LIN52: variants seen among roughly 807,000 people sequenced by gnomAD.
LIN52 encodes the protein lin-52 DREAM MuvB core complex component.
Under a neutral mutation model 18.5 loss-of-function variants are expected in LIN52, and 4 were observed. That is an observed-to-expected ratio of 0.22 (90% CI 0.11 to 0.49). The LOEUF (loss-of-function observed/expected upper bound fraction) is 0.49. LIN52 is among the 20% of genes least tolerant of loss of function. The probability of loss-of-function intolerance (pLI) is 0.97; values close to 1 mark genes in which losing one functional copy is unlikely to be tolerated. For missense variants in LIN52, 102 were observed against 139.5 expected (o/e 0.73, Z 1.35); for synonymous variants, 34 against 45.5 (o/e 0.75, Z 1.02).
intron 5 of LIN52, among the ~76,000 whole-genome samples, chr14:74,180,063 T>C (rs1301814207): frequency 6.6e-6 from 1 of 152,154 alleles, no homozygotes; most frequent in Non-Finnish European, 1.5e-5. Context: ...CCACTAACAT[T>C]ATAAATTCTA....
intron 5 of LIN52, among the ~76,000 whole-genome samples, chr14:74,197,108 A>C (rs1249976269): frequency 6.6e-6 from 1 of 152,232 alleles, no homozygotes; most frequent in Non-Finnish European, 1.5e-5. Flanking sequence ...GCACATTTAA[A>C]AAGACTCCCA....
At chr14:74,104,691 G>A (rs1170228233) in intron 5 of LIN52, among the ~76,000 whole-genome samples, 4 of 150,120 alleles carry the variant, frequency 2.7e-5, no homozygotes, top group Non-Finnish European at 1.5e-5. Flanking sequence ...AATAGTTGAT[G>A]GATTCTAGAT....
intron 5 of LIN52, among the ~76,000 whole-genome samples, chr14:74,184,633 G>T (rs944200099): frequency 6.6e-6 from 1 of 152,164 alleles, no homozygotes; most frequent in East Asian, 1.9e-4. Context: ...TAACGGTAAT[G>T]ATAATAACAT....
intron 5 of LIN52, among the ~76,000 whole-genome samples, chr14:74,109,033 A>G (rs1566849559): frequency 6.6e-6 from 1 of 152,222 alleles, no homozygotes; most frequent in Non-Finnish European, 1.5e-5. Flanking sequence ...TTATAATTTT[A>G]GATTTAGGTC....
chr14:74,093,258 A>C (rs1042138504), intron 2 of LIN52, among the ~76,000 whole-genome samples: 1 of 150,802 alleles, frequency 6.6e-6, no homozygotes, highest in Non-Finnish European at 1.5e-5. Flanking sequence ...CCAAAACTAC[A>C]TTTATAAGAA....
intron 5 of LIN52, among the ~76,000 whole-genome samples, chr14:74,193,203 A>G (rs1049983361): frequency 1.3e-5 from 2 of 151,690 alleles, no homozygotes; most frequent in Non-Finnish European, 2.9e-5. Context: ...AATAACAAAA[A>G]ATCCTTCCAT....
intron 5 of LIN52, among the ~76,000 whole-genome samples, chr14:74,125,558 G>T (rs1454108447): frequency 1.3e-5 from 2 of 151,940 alleles, no homozygotes; most frequent in African/African-American, 4.8e-5. Flanking sequence ...TTCTCCCATT[G>T]TGTAGGTTGC....
At chr14:74,118,672 G>A (rs1185014608) in intron 5 of LIN52, among the ~76,000 whole-genome samples, 1 of 152,160 alleles carries the variant, frequency 6.6e-6, no homozygotes, top group Non-Finnish European at 1.5e-5. Context: ...TACTTGGGAG[G>A]CTGAGGTGGG....
chr14:74,114,349 G>C, intron 5 of LIN52: 1 of 985,496 alleles, frequency 1.0e-6, no homozygotes, highest in South Asian at 4.7e-5. Flanking sequence ...GATAGAGTAG[G>C]ATGGTAGAGA....
chr14:74,093,294 A>T (rs1425576429), intron 2 of LIN52, among the ~76,000 whole-genome samples: 1 of 150,280 alleles, frequency 6.7e-6, no homozygotes, highest in Non-Finnish European at 1.5e-5. Flanking sequence ...AGATATATAA[A>T]GCGTTTTCTC....
intron 5 of LIN52, among the ~76,000 whole-genome samples, chr14:74,128,867 G>A (rs2061043621): frequency 6.6e-6 from 1 of 152,088 alleles, no homozygotes; most frequent in South Asian, 2.1e-4. Context: ...TCTTGAGCCT[G>A]CGAGACTGAG....
chr14:74,179,460 G>A (rs2061307728), intron 5 of LIN52, among the ~76,000 whole-genome samples: 1 of 152,018 alleles, frequency 6.6e-6, no homozygotes, highest in East Asian at 1.9e-4. Context: ...AGGAGTTCGA[G>A]ACCAGCCTCG....
intron 5 of LIN52, among the ~76,000 whole-genome samples, chr14:74,173,831 G>A (rs780493403): frequency 6.6e-6 from 1 of 152,178 alleles, no homozygotes; most frequent in African/African-American, 2.4e-5. Context: ...TTATATGGCA[G>A]TAATGTCCCA....
At chr14:74,117,385 C>T (rs2060971445) in intron 5 of LIN52, among the ~76,000 whole-genome samples, 1 of 152,034 alleles carries the variant, frequency 6.6e-6, no homozygotes, top group African/African-American at 2.4e-5. Context: ...ATTAAGTACT[C>T]AGTAGGAGCA....
At chr14:74,103,746 T>G (rs925826450) in intron 5 of LIN52, among the ~76,000 whole-genome samples, 3 of 111,694 alleles carry the variant, frequency 2.7e-5, no homozygotes, top group South Asian at 6.7e-4. Context: ...TTTTTTTTTT[T>G]TTTTTTTTTT....
At chr14:74,101,668 G>C (rs2060857248) in intron 5 of LIN52, among the ~76,000 whole-genome samples, 1 of 151,886 alleles carries the variant, frequency 6.6e-6, no homozygotes, top group African/African-American at 2.4e-5. Flanking sequence ...CACCGTTTTA[G>C]CCGGGATGGT....
intron 5 of LIN52, among the ~76,000 whole-genome samples, chr14:74,193,192 CAAT>C (rs2078889967): frequency 1.4e-5 from 2 of 143,410 alleles, no homozygotes; most frequent in African/African-American, 5.2e-5. Flanking sequence ...TAATAAAAAT[CAAT>C]AACAAAAAAT....
intron 3 of LIN52, among the ~76,000 whole-genome samples, chr14:74,097,425 C>CT (rs35249058): frequency 0.17 from 22,240 of 133,416 alleles, 2,190 homozygotes; most frequent in East Asian, 0.52. Flanking sequence ...TTTTCTTTTT[C>CT]TTTTTTTTTT....
At chr14:74,109,551 T>C (rs796752995) in intron 5 of LIN52, among the ~76,000 whole-genome samples, 3 of 152,248 alleles carry the variant, frequency 2.0e-5, no homozygotes, top group Non-Finnish European at 4.4e-5. Flanking sequence ...TCTATCCTTA[T>C]GCCAGTAATT....
Sources: gnomAD v4.1 joint callset for allele counts (sites outside exome capture counted in the v4.1 genomes callset) on GRCh38, gnomAD v4.1.1 for gene constraint, MANE v1.5 for transcripts, NCBI Gene and HGNC (gene_info 2026-07-23, HGNC 2026-07-21) for gene names.